Variants in GABBR2 observed in about 807,000 individuals in gnomAD.
The protein encoded by GABBR2 is gamma-aminobutyric acid type B receptor subunit 2, also known as G-protein coupled receptor 51.
Under a neutral mutation model 105.6 loss-of-function variants are expected in GABBR2, and 23 were observed. The observed-to-expected ratio is 0.22, with a 90% CI of 0.16 to 0.31. The LOEUF (loss-of-function observed/expected upper bound fraction) is 0.31, where lower values mean the gene tolerates loss of function less well. Ranked by LOEUF, GABBR2 falls within the 10% of genes least tolerant of loss-of-function variation. The pLI, the probability that GABBR2 is intolerant of heterozygous loss-of-function variation, is 1.00. For synonymous variants in GABBR2, 478 were observed against 499.7 expected (o/e 0.96, Z 0.58); for missense variants, 734 against 1,245.5 (o/e 0.59, Z 6.18).
chr9:98,640,067 G>A (rs972143002), intron 1 of GABBR2, among the ~76,000 whole-genome samples: 5 of 150,884 alleles, frequency 3.3e-5, no homozygotes, highest in African/African-American at 1.2e-4. Flanking sequence ...CAACTTTTAA[G>A]ACCTCCATTT....
At chr9:98,356,449 A>G (rs920231826) in intron 13 of GABBR2, among the ~76,000 whole-genome samples, 8 of 152,230 alleles carry the variant, frequency 5.3e-5, no homozygotes, top group Admixed American at 3.3e-4. Flanking sequence ...ATTGCAAATT[A>G]TAACAATGAG....
At chr9:98,394,386 T>C in intron 8 of GABBR2, 131 bp from the exon 9 acceptor site, 1 of 660,298 alleles carries the variant, frequency 1.5e-6, no homozygotes, top group Non-Finnish European at 2.8e-6. Context: ...CTCCAATGCC[T>C]CTTCTGGTTA....
intron 4 of GABBR2, among the ~76,000 whole-genome samples, chr9:98,483,376 T>C (rs1364801549): frequency 6.6e-6 from 1 of 152,102 alleles, no homozygotes; most frequent in Non-Finnish European, 1.5e-5. Context: ...TCCTGCCCCA[T>C]CCACCCATCG....
intron 7 of GABBR2, among the ~76,000 whole-genome samples, chr9:98,446,756 G>A (rs981024012): frequency 5.8e-4 from 88 of 152,178 alleles, no homozygotes; most frequent in Non-Finnish European, 1.3e-4. Context: ...ATAGGAAACC[G>A]TGGGGTGGCA....
At chr9:98,307,266 G>C (rs73490792) in intron 14 of GABBR2, among the ~76,000 whole-genome samples, 11,833 of 152,178 alleles carry the variant, frequency 0.078, 1,576 homozygotes, top group African/African-American at 0.27. Context: ...CAGGGTAGAG[G>C]CCAACTATGA....
chr9:98,651,503 T>C (rs1468234593), intron 1 of GABBR2, among the ~76,000 whole-genome samples: 2 of 152,092 alleles, frequency 1.3e-5, no homozygotes, highest in Non-Finnish European at 2.9e-5. Flanking sequence ...GGCATAATCA[T>C]AGCTCACTGT....
At chr9:98,589,028 T>G (rs770687820) in intron 1 of GABBR2, among the ~76,000 whole-genome samples, 1 of 152,188 alleles carries the variant, frequency 6.6e-6, no homozygotes, top group African/African-American at 2.4e-5. Flanking sequence ...GTGGCGTCTT[T>G]GGGTATGCCT....
intron 10 of GABBR2, among the ~76,000 whole-genome samples, chr9:98,387,343 T>G (rs1388099035): frequency 6.6e-6 from 1 of 152,078 alleles, no homozygotes; most frequent in African/African-American, 2.4e-5. Flanking sequence ...TTCAATGAGT[T>G]TAGTCTTATG....
chr9:98,588,971 G>A (rs1285273682), intron 1 of GABBR2, among the ~76,000 whole-genome samples: 2 of 152,226 alleles, frequency 1.3e-5, no homozygotes, highest in East Asian at 3.8e-4. Flanking sequence ...TGTCACGAGA[G>A]AAACCATCCC....
At chr9:98,433,617 T>A (rs10986247) in intron 7 of GABBR2, among the ~76,000 whole-genome samples, 39,746 of 152,152 alleles carry the variant, frequency 0.26, 6,064 homozygotes, top group Middle Eastern at 0.37. Flanking sequence ...GGACATCATG[T>A]CCTCTAGGCC....
chr9:98,300,642 T>C (rs1285783536), intron 16 of GABBR2, among the ~76,000 whole-genome samples: 1 of 152,196 alleles, frequency 6.6e-6, no homozygotes, highest in Non-Finnish European at 1.5e-5. Flanking sequence ...GTAAGAGTCT[T>C]TTGTTATAAT....
chr9:98,479,662 G>A (rs1357433028), intron 5 of GABBR2, among the ~76,000 whole-genome samples: 1 of 152,210 alleles, frequency 6.6e-6, no homozygotes, highest in Non-Finnish European at 1.5e-5. Context: ...TCCTACATCT[G>A]TCCAAAACAG....
intron 1 of GABBR2, among the ~76,000 whole-genome samples, chr9:98,696,598 G>A (rs1027748485): frequency 6.6e-6 from 1 of 152,136 alleles, no homozygotes; most frequent in African/African-American, 2.4e-5. Flanking sequence ...CAGCTATTTT[G>A]GAGTTATCTC....
intron 1 of GABBR2, among the ~76,000 whole-genome samples, chr9:98,608,858 T>C (rs1362360435): frequency 6.6e-6 from 1 of 152,252 alleles, no homozygotes; most frequent in Admixed American, 6.5e-5. Context: ...ATCTTTCATA[T>C]GGTAGGAACC....
chr9:98,630,748 T>TA (rs1168434193), intron 1 of GABBR2, among the ~76,000 whole-genome samples: 1 of 151,964 alleles, frequency 6.6e-6, no homozygotes, highest in African/African-American at 2.4e-5. Context: ...AAGTCTCTGT[T>TA]AAAAAAATGA....
chr9:98,627,145 G>A (rs1829748930), intron 1 of GABBR2, among the ~76,000 whole-genome samples: 1 of 152,102 alleles, frequency 6.6e-6, no homozygotes, highest in Admixed American at 6.5e-5. Context: ...GCCACTGGTG[G>A]GCCGATTTGG....
At position 98,708,889 on chromosome 9, in the gene GABBR2, A is replaced by C; in HGVS notation, c.-152T>G. 4 of 278,620 alleles carry C rather than the reference A, an allele frequency of 1.4e-5. No individual in the cohort carries two copies. The highest frequency in any genetic ancestry group is 2.0e-5 in the Non-Finnish European group (4 of 203,300). The allele number at this position is 278,620 out of a possible 1,614,324, so 17.3% of individuals were successfully genotyped here. On this transcript the variant is annotated 5_prime_UTR_variant, in exon 1 of 19. Transcript: ENST00000259455. ...GGGCTAGGGTTCCGGCTCGGCTCAGAACGGCCGCGGCGGCGGCGGCGGCAG... is the reference window on the plus strand; with the variant it reads ...GGGCTAGGGTTCCGGCTCGGCTCAGCACGGCCGCGGCGGCGGCGGCGGCAG...
intron 1 of GABBR2, among the ~76,000 whole-genome samples, chr9:98,695,414 G>T (rs1379960193): frequency 6.6e-6 from 1 of 152,120 alleles, no homozygotes; most frequent in African/African-American, 2.4e-5. Flanking sequence ...GCCAGTGGAT[G>T]GTTCACCACT....
At chr9:98,554,545 T>G (rs1462845405) in intron 2 of GABBR2, among the ~76,000 whole-genome samples, 1 of 88,854 alleles carries the variant, frequency 1.1e-5, no homozygotes, top group Admixed American at 1.4e-4. Flanking sequence ...TTTTTAAACT[T>G]CTATTATCAA....
Sources: allele counts gnomAD v4.1 joint callset (sites outside exome capture counted in the v4.1 genomes callset), GRCh38; gene constraint gnomAD v4.1.1; transcripts MANE v1.5; gene names NCBI Gene and HGNC (gene_info 2026-07-23, HGNC 2026-07-21).